Variants in TRABD2A observed in about 807,000 individuals in gnomAD.
The protein encoded by TRABD2A is TraB domain containing 2A.
A neutral mutation model predicts 45.6 loss-of-function variants in TRABD2A; 43 were observed. That is an observed-to-expected ratio of 0.94 (90% CI 0.74 to 1.22). The LOEUF is 1.22. Among genes scored for constraint, TRABD2A ranks in the 50% most tolerant of loss-of-function variants. The probability of loss-of-function intolerance (pLI) is 0.00; values close to 1 mark genes in which losing one functional copy is unlikely to be tolerated. For missense variants in TRABD2A, 642 were observed against 652.4 expected (o/e 0.98, Z 0.17); for synonymous variants, 269 against 265.0 (o/e 1.02, Z -0.15).
At chr2:84,879,899 C>A (rs977826391) in intron 1 of TRABD2A, among the ~76,000 whole-genome samples, 2 of 152,148 alleles carry the variant, frequency 1.3e-5, no homozygotes, top group Non-Finnish European at 2.9e-5. Context: ...AATAAAATTG[C>A]GAATGGCCAG....
At chr2:84,863,545 A>G (rs1352777809) in intron 2 of TRABD2A, among the ~76,000 whole-genome samples, 1 of 150,866 alleles carries the variant, frequency 6.6e-6, no homozygotes, top group Admixed American at 6.6e-5. Context: ...TGTGAATCTT[A>G]AGATGCCAGT....
At chr2:84,834,481 G>A (rs753059317) in intron 4 of TRABD2A, 6 of 152,112 alleles carry the variant, frequency 3.9e-5, no homozygotes, top group Non-Finnish European at 7.3e-5. Flanking sequence ...TATGCCAGTC[G>A]GTGATTTTTT....
At chr2:84,880,071 A>G (rs1413111485) in intron 1 of TRABD2A, among the ~76,000 whole-genome samples, 1 of 147,834 alleles carries the variant, frequency 6.8e-6, no homozygotes, top group East Asian at 2.1e-4. Flanking sequence ...AGGGACGCAC[A>G]GATATCAAAC....
intron 5 of TRABD2A, among the ~76,000 whole-genome samples, chr2:84,831,604 C>T (rs1681340571): frequency 6.6e-6 from 1 of 152,086 alleles, no homozygotes; most frequent in African/African-American, 2.4e-5. Flanking sequence ...CTTTCTCCTG[C>T]CCCTGAGAAG....
chr2:84,859,403 A>C (rs543098684), intron 2 of TRABD2A, among the ~76,000 whole-genome samples: 1 of 152,336 alleles, frequency 6.6e-6, no homozygotes. Flanking sequence ...GTAAATCAAG[A>C]TCCTTGCTCT....
intron 2 of TRABD2A, among the ~76,000 whole-genome samples, chr2:84,851,379 T>G (rs1472182280): frequency 6.6e-6 from 1 of 152,238 alleles, no homozygotes; most frequent in African/African-American, 2.4e-5. Context: ...TGATGTCACC[T>G]TGGTGAGAGT....
intron 1 of TRABD2A, among the ~76,000 whole-genome samples, chr2:84,880,289 C>T (rs1442785966): frequency 6.6e-6 from 1 of 152,114 alleles, no homozygotes; most frequent in African/African-American, 2.4e-5. Flanking sequence ...CTGGGTTTCC[C>T]TCACCCACAA....
At chr2:84,873,288 C>T (rs1170232439) in intron 1 of TRABD2A, among the ~76,000 whole-genome samples, 3 of 151,452 alleles carry the variant, frequency 2.0e-5, no homozygotes, top group Non-Finnish European at 4.4e-5. Context: ...TGGTGGCAAG[C>T]GCCTGTAGTC....
At chr2:84,838,972 T>G in intron 4 of TRABD2A, 177 bp downstream of exon 4, 1 of 646,858 alleles carries the variant, frequency 1.5e-6, no homozygotes, top group Non-Finnish European at 2.6e-6. Flanking sequence ...TCAACCATGC[T>G]GGATGCTCCA....
At chr2:84,828,879 G>A (rs890681123) in intron 5 of TRABD2A, among the ~76,000 whole-genome samples, 4 of 152,302 alleles carry the variant, frequency 2.6e-5, no homozygotes, top group Middle Eastern at 3.4e-3. Context: ...AGCAATGGAG[G>A]AAGATGTGGC....
At chr2:84,858,071 T>G (rs1248619751) in intron 2 of TRABD2A, among the ~76,000 whole-genome samples, 1 of 152,108 alleles carries the variant, frequency 6.6e-6, no homozygotes, top group South Asian at 2.1e-4. Flanking sequence ...GACGGGGTCT[T>G]GTTATGTTAC....
At chr2:84,824,434 A>C (rs1048356867) in intron 5 of TRABD2A, among the ~76,000 whole-genome samples, 1 of 151,820 alleles carries the variant, frequency 6.6e-6, no homozygotes, top group Non-Finnish European at 1.5e-5. Flanking sequence ...CAAATCCCCT[A>C]GTCCTGGGGA....
chr2:84,841,514 T>A (rs949848307), intron 3 of TRABD2A, among the ~76,000 whole-genome samples: 2 of 152,214 alleles, frequency 1.3e-5, no homozygotes, highest in African/African-American at 4.8e-5. Context: ...TTCTGCCCCA[T>A]CATTTTGCAA....
chr2:84,835,695 G>A (rs2105376808), intron 4 of TRABD2A, among the ~76,000 whole-genome samples: 1 of 152,332 alleles, frequency 6.6e-6, no homozygotes, highest in South Asian at 2.1e-4. Flanking sequence ...GGGATTACAG[G>A]CATGCACCAC....
rs761069477 is a variant in TRABD2A at position 84,832,048 on chromosome 2, C to T, written c.1082+7G>A. ...CCCCAGCCAAGATAGAAGCACAGGA[C>T]GGTTACTTGTGGATGGGTCGTCCAG... On this transcript the variant is annotated splice_region_variant and intron_variant, in intron 5 of 6. Transcript: ENST00000409520. The T allele has an allele frequency of 3.7e-6, 6 of 1,613,830 alleles. No homozygotes were observed. Among genetic ancestry groups the T allele is most frequent in the Admixed American group, 1.7e-5 (1 of 60,004 alleles).
At chr2:84,838,509 T>C (rs12472846) in intron 4 of TRABD2A, among the ~76,000 whole-genome samples, 39,220 of 152,032 alleles carry the variant, frequency 0.26, 5,799 homozygotes, top group African/African-American at 0.42. Flanking sequence ...AGAAACTGAG[T>C]GACATGACTT....
intron 5 of TRABD2A, among the ~76,000 whole-genome samples, chr2:84,827,086 G>A (rs538629608): frequency 1.3e-5 from 2 of 152,150 alleles, no homozygotes; most frequent in African/African-American, 4.8e-5. Context: ...TAGAGCCTCT[G>A]GGCTGGATCC....
rs1238569218 is a variant in TRABD2A at position 84,830,649 on chromosome 2, C to T, written c.1082+1406G>A. Among the ~76,000 whole-genome samples, 1 of 152,274 alleles carries T rather than the reference C, an allele frequency of 6.6e-6. No homozygotes were observed. Among genetic ancestry groups the T allele is most frequent in the African/African-American group, 2.4e-5 (1 of 41,550 alleles). On this transcript the variant is annotated intron_variant, in intron 5 of 6. Coordinates refer to ENST00000409520, the MANE Select transcript of TRABD2A (RefSeq NM_001277053.2). This position sits in a 1 kb window ranked among gnomAD's most constrained non-coding sequence, Gnocchi z 4.9. ...AGGAAAATGAGCAGTCTCACATCAG[C>T]GCTTCTGTAAACTAGAAAGTGCTCT... is the stretch of plus-strand genomic sequence containing the variant.
Position 84,870,338 on chromosome 2 carries a change from G to T in TRABD2A, c.556C>A (p.Pro186Thr). Residue 186 changes from proline to threonine, a missense_variant, in exon 2 of 7, where the codon CCT becomes ACT. By Grantham distance (38) the Pro-to-Thr change is conservative. Transcript: ENST00000409520. ...TEVDIKSRGV[P>T]VLDLFLAQEA... is the part of the protein sequence containing the mutation. ...TGGGCAAGGAACAGGTCTAAGACAG[G>T]CACTCCACGGGACTTAATGTCCACT... The T allele has an allele frequency of 3.1e-6, 5 of 1,614,020 alleles. No homozygotes were observed. Among genetic ancestry groups the T allele is most frequent in the Non-Finnish European group, 4.2e-6 (5 of 1,179,892 alleles).
Sources: allele counts gnomAD v4.1 joint callset (sites outside exome capture counted in the v4.1 genomes callset), GRCh38; gene constraint gnomAD v4.1.1; non-coding constraint Gnocchi (gnomAD v3.1); transcripts MANE v1.5; gene names NCBI Gene and HGNC (gene_info 2026-07-23, HGNC 2026-07-21).